The following HEY2 variants were observed in gnomAD, a reference collection of about 807,000 sequenced individuals.
HEY2 encodes hes related family bHLH transcription factor with YRPW motif 2, also known as hairy/enhancer-of-split related with YRPW motif protein 2.
HEY2 carries 10 observed loss-of-function variants against 18.1 expected under a neutral mutation model. The ratio of observed to expected loss-of-function variants is 0.55; its 90% CI spans 0.34 to 0.94. The LOEUF is 0.94. HEY2 is among the 40% of genes least tolerant of loss of function. The probability of loss-of-function intolerance (pLI) is 0.02; values close to 1 mark genes in which losing one functional copy is unlikely to be tolerated. For synonymous variants in HEY2, 210 were observed against 182.7 expected, an observed-to-expected ratio of 1.15 and a Z score of -1.21; for missense variants, 455 against 455.9, an observed-to-expected ratio of 1.00 and a Z score of 0.02.
At chr6:125,753,087 A>G (rs1773584457) in intron 3 of HEY2, among the ~76,000 whole-genome samples, 1 of 152,234 alleles carries the variant, frequency 6.6e-6, no homozygotes, top group Non-Finnish European at 1.5e-5. Flanking sequence ...TACTGATTAT[A>G]CATTTTTAAG....
rs1457548489 is a variant in HEY2, at chr6:125,761,039, G to T, written c.*1237G>T. ...CTCTTAATATGCTGAAATCAAGCAC[G>T]TGAGAGTTTTTGTTTAAAAGATAAG... On this transcript the variant is annotated 3_prime_UTR_variant, in exon 5 of 5. Transcript: ENST00000368364. 1 of 152,580 alleles carries T rather than the reference G, an allele frequency of 6.6e-6. No homozygotes were observed. Among genetic ancestry groups the T allele is most frequent in the African/African-American group, 2.4e-5 (1 of 41,430 alleles). 9.5% of individuals were successfully genotyped at this position (152,580 alleles called of 1,614,324 possible). A position where few individuals can be genotyped will look rare whatever the true frequency, so the allele number is the denominator to read the frequency against.
Position 125,760,014 on chromosome 6 carries a change from A to C in HEY2, c.*212A>C, listed in dbSNP as rs1773764128. ...TTGGTTCAAGGCAGCTCGGTAACTG[A>C]CATCAGCAACTTTTGAAAACTTCAC... On this transcript the variant is annotated 3_prime_UTR_variant, in exon 5 of 5. Coordinates refer to ENST00000368364, the MANE Select transcript of HEY2 (RefSeq NM_012259.3). 1 of 578,922 alleles carries C rather than the reference A, an allele frequency of 1.7e-6. No homozygotes were observed. The allele number at this position is 578,922 out of a possible 1,614,324, so 35.9% of individuals were successfully genotyped here.
intron 4 of HEY2, among the ~76,000 whole-genome samples, chr6:125,757,359 A>G (rs1773683066): frequency 1.3e-5 from 2 of 152,320 alleles, no homozygotes; most frequent in South Asian, 2.1e-4. Context: ...TTTGTTAACT[A>G]TGTCAGAGTC....
intron 3 of HEY2, among the ~76,000 whole-genome samples, chr6:125,753,308 AT>A (rs952325502): frequency 4.6e-5 from 7 of 150,626 alleles, no homozygotes; most frequent in Middle Eastern, 3.4e-3. Flanking sequence ...GGTTTGTTAG[AT>A]TTTTTTTTTC....
rs1184861634 is a variant in HEY2, at chr6:125,751,846, A to C, written c.129A>C (p.Thr43=). 6.2e-7 allele frequency: 1 copy of C among 1,613,586 alleles called. No individual in the cohort carries two copies. Among genetic ancestry groups the C allele is most frequent in the Non-Finnish European group, 8.5e-7 (1 of 1,179,582 alleles). ...TTAGATTGAATTCTCCAACAACAAC[A>C]TCTCAGATTATGGCAAGAAAGAAAA... The part of the protein sequence containing the change: ...SVIRLNSPTT[T]SQIMARKKRR... Residue 43 remains threonine, a synonymous_variant, in exon 2 of 5, where the codon ACA becomes ACC. Transcript: ENST00000368364.
chr6:125,754,717 C>T (rs1030364893), intron 4 of HEY2, among the ~76,000 whole-genome samples, 171 bp downstream of exon 4: 3 of 152,036 alleles, frequency 2.0e-5, no homozygotes, highest in African/African-American at 4.8e-5. Context: ...GGATTGAACT[C>T]GTGGGAAAGA....
In HEY2 at chr6:125,759,243, G is replaced by T; in HGVS notation, c.455G>T (p.Arg152Leu). 1 of 1,610,242 alleles carries T rather than the reference G, an allele frequency of 6.2e-7. No individual in the cohort carries two copies. Residue 152 changes from arginine to leucine, a missense_variant, in exon 5 of 5, where the codon CGG becomes CTG. Physicochemically the swap from Arg to Leu is moderately radical, Grantham distance 102 (BLOSUM62 -2). Transcript: ENST00000368364. ...GACTCCTCGGATCCGCTGCGGGTGC[G>T]GCTTGTGTCTCATCTCAGCACTTGC... Reference protein sequence around the residue: ...GLDSSDPLRVRLVSHLSTCAT... With the variant: ...GLDSSDPLRVLLVSHLSTCAT...
At position 125,759,710 on chromosome 6, in the gene HEY2, T is replaced by G. The variant is rs1773754249; in HGVS notation, c.922T>G (p.Ser308Ala). The change falls in exon 5 of 5, where the codon TCA becomes GCA. Residue 308 changes from serine to alanine, a missense_variant. Transcript: ENST00000368364. Reference protein sequence around the residue: ...AAATAISPPLSVSATSSPQQT... With the variant: ...AAATAISPPLAVSATSSPQQT... Reference sequence around the variant, plus strand: ...GGCCACAGCCATCAGCCCGCCCTTGTCAGTATCAGCCACGTCCAGTCCTCA... The same window carrying G: ...GGCCACAGCCATCAGCCCGCCCTTGGCAGTATCAGCCACGTCCAGTCCTCA... 6.2e-7 allele frequency: 1 copy of G among 1,613,242 alleles called. No individual in the cohort carries two copies. The highest frequency in any genetic ancestry group is 8.5e-7 in the Non-Finnish European group (1 of 1,180,008).
chr6:125,750,595 A>G (rs1041967884), intron 1 of HEY2, among the ~76,000 whole-genome samples: 14 of 152,236 alleles, frequency 9.2e-5, no homozygotes, highest in Admixed American at 4.6e-4. Flanking sequence ...TCACTCAAAG[A>G]GGGAAATTCT....
chr6:125,752,569 C>A (rs1329565714), intron 3 of HEY2, among the ~76,000 whole-genome samples: 2 of 152,016 alleles, frequency 1.3e-5, no homozygotes, highest in Non-Finnish European at 2.9e-5. Context: ...TTTACCAAGC[C>A]ATTTGCTTTC....
At chr6:125,750,212 CA>C (rs1050281607) in intron 1 of HEY2, 2 of 981,512 alleles carry the variant, frequency 2.0e-6, no homozygotes, top group Non-Finnish European at 2.4e-6. Flanking sequence ...GGGGCACTTT[CA>C]AAATAGATCA....
Position 125,751,866 on chromosome 6 carries a change from A to G in HEY2, c.149A>G (p.Lys50Arg), listed in dbSNP as rs762977247. The change falls in exon 2 of 5, where the codon AAG becomes AGG. Residue 50 changes from lysine (K) to arginine (R), a missense_variant. Transcript: ENST00000368364. The part of the protein sequence containing the change: ...PTTTSQIMAR[K>R]KRRGIIEKRR... ...ACAACATCTCAGATTATGGCAAGAA[A>G]GAAAAGGAGAGGGGTATGTGATTTT... 2.5e-6 allele frequency: 4 copies of G among 1,612,892 alleles called. No homozygotes were observed. Among genetic ancestry groups the G allele is most frequent in the African/African-American group, 1.3e-5 (1 of 75,016 alleles).
Position 125,759,612 on chromosome 6 carries a change from C to T in HEY2, c.824C>T (p.Ala275Val), listed in dbSNP as rs1773749782. 6.2e-7 allele frequency: 1 copy of T among 1,610,694 alleles called. No homozygotes were observed. The highest frequency in any genetic ancestry group is 1.1e-5 in the South Asian group (1 of 91,040). Reference sequence around the variant, plus strand: ...GCAGCCGCAGCAGCCACCGCGGCTGCACACAGCTTCCCTCTGTCCTTCGCG... The same window carrying T: ...GCAGCCGCAGCAGCCACCGCGGCTGTACACAGCTTCCCTCTGTCCTTCGCG... ...HAAAAAATAA[A>V]HSFPLSFAGA... The change falls in exon 5 of 5, where the codon GCA (alanine) becomes GTA (valine). Residue 275 changes from alanine to valine, a missense_variant. By Grantham distance (64) the Ala-to-Val change is moderately conservative. Transcript: ENST00000368364.
chr6:125,754,563 A>ATTTT lies in HEY2; in HGVS notation c.328+29_328+32dup. On this transcript the variant is annotated intron_variant, in intron 4 of 4. Transcript: ENST00000368364. ...GGGGTAAAGGTAAGTAGATGACTTC[A>ATTTT]TTTTTTTTTTTTTTTGCCTTTTTTA... The ATTTT allele has an allele frequency of 5.4e-6, 6 of 1,102,746 alleles. No individual in the cohort carries two copies. The highest frequency in any genetic ancestry group is 7.7e-6 in the Non-Finnish European group (6 of 777,930). 68.3% of individuals were successfully genotyped at this position (1,102,746 alleles called of 1,614,324 possible). A position where few individuals can be genotyped will look rare whatever the true frequency, so the allele number is the denominator to read the frequency against.
rs757286685 is a variant in HEY2 at position 125,752,061 on chromosome 6, A to G, written c.217A>G (p.Arg73Gly). 8.1e-6 allele frequency: 13 copies of G among 1,613,700 alleles called. No individual in the cohort carries two copies. The highest frequency in any genetic ancestry group is 1.1e-5 in the Non-Finnish European group (13 of 1,179,756). Reference protein sequence around the residue: ...RINNSLSELRRLVPTAFEKQG... With the variant: ...RINNSLSELRGLVPTAFEKQG... ...AAATAACAGTTTATCTGAGTTGAGA[A>G]GACTTGTGCCAACTGCTTTTGAAAA... The change falls in exon 3 of 5, where the codon AGA becomes GGA. Residue 73 changes from arginine (R) to glycine (G), a missense_variant. Physicochemically the swap from Arg to Gly is moderately radical, Grantham distance 125. Coordinates refer to ENST00000368364, the MANE Select transcript of HEY2 (RefSeq NM_012259.3).
chr6:125,754,474 A>G lies in HEY2; in HGVS notation c.256A>G (p.Lys86Glu). Residue 86 changes from lysine (K) to glutamate (E), a missense_variant, in exon 4 of 5, where the codon AAG (lysine) becomes GAG (glutamate). Physicochemically the swap from Lys to Glu is moderately conservative, Grantham distance 56 (BLOSUM62 1). Coordinates refer to ENST00000368364, the MANE Select transcript of HEY2 (RefSeq NM_012259.3). ...TTATTTATTTATGAAGGGATCTGCA[A>G]AGTTAGAAAAAGCTGAAATATTGCA... ...PTAFEKQGSA[K>E]LEKAEILQMT... 1 of 1,586,138 alleles carries G rather than the reference A, an allele frequency of 6.3e-7. No individual in the cohort carries two copies. The highest frequency in any genetic ancestry group is 8.6e-7 in the Non-Finnish European group (1 of 1,161,208).
At chr6:125,749,922 G>A in intron 1 of HEY2, 63 bp downstream of exon 1, 2 of 1,298,288 alleles carry the variant, frequency 1.5e-6, no homozygotes, top group Non-Finnish European at 2.2e-6. Context: ...TTGTGAATGC[G>A]TGGCTCCCTG....
At position 125,760,086 on chromosome 6, in the gene HEY2, A is replaced by G; in HGVS notation, c.*284A>G. ...TCCTGGAAAATATATGGACCGTACC[A>G]TCCAGCAGTGCATCAGTATGTCTGA... On this transcript the variant is annotated 3_prime_UTR_variant, in exon 5 of 5. Coordinates refer to ENST00000368364, the MANE Select transcript of HEY2 (RefSeq NM_012259.3). The G allele has an allele frequency of 2.3e-6, 1 of 426,616 alleles. No individual in the cohort carries two copies. The highest frequency in any genetic ancestry group is 4.2e-6 in the Non-Finnish European group (1 of 237,214). 26.4% of individuals were successfully genotyped at this position (426,616 alleles called of 1,614,324 possible).
chr6:125,756,292 G>T (rs1466543499), intron 4 of HEY2, among the ~76,000 whole-genome samples: 1 of 152,212 alleles, frequency 6.6e-6, no homozygotes, highest in Non-Finnish European at 1.5e-5. Context: ...TGGCGGCTGG[G>T]TGTGGTGGCT....
Sources: gnomAD v4.1 joint callset for allele counts (sites outside exome capture counted in the v4.1 genomes callset) on GRCh38, gnomAD v4.1.1 for gene constraint, MANE v1.5 for transcripts, NCBI Gene and HGNC (gene_info 2026-07-23, HGNC 2026-07-21) for gene names.